Variants in ACOXL observed in about 807,000 individuals in gnomAD.
ACOXL encodes the protein acyl-coenzyme A oxidase-like protein.
Under a neutral mutation model 71.9 loss-of-function variants are expected in ACOXL, and 70 were observed. The ratio of observed to expected loss-of-function variants is 0.97; its 90% CI spans 0.80 to 1.19. ACOXL has a LOEUF of 1.19. Among genes scored for constraint, ACOXL ranks in the 50% most tolerant of loss-of-function variants. The pLI is 0.00. For missense variants in ACOXL, 703 were observed against 736.3 expected, an observed-to-expected ratio of 0.95 and a Z score of 0.52; for synonymous variants, 253 against 281.6, an observed-to-expected ratio of 0.90 and a Z score of 1.02.
chr2:111,015,282 C>G (rs1051037751), intron 14 of ACOXL, among the ~76,000 whole-genome samples: 1 of 152,088 alleles, frequency 6.6e-6, no homozygotes, highest in Admixed American at 6.5e-5. Context: ...TGTATAGATA[C>G]AACCCAGGAA....
At chr2:110,774,435 A>G (rs1313001470) in intron 2 of ACOXL, among the ~76,000 whole-genome samples, 1 of 152,224 alleles carries the variant, frequency 6.6e-6, no homozygotes, top group Non-Finnish European at 1.5e-5. Context: ...GAAAACCCCA[A>G]GATTCCACAA....
chr2:110,980,437 G>A (rs2062654448), intron 12 of ACOXL, among the ~76,000 whole-genome samples: 1 of 152,206 alleles, frequency 6.6e-6, no homozygotes, highest in African/African-American at 2.4e-5. Context: ...GAAGCGAAGG[G>A]AAGAAGAGAC....
intron 13 of ACOXL, among the ~76,000 whole-genome samples, chr2:110,992,444 G>T (rs1293783680): frequency 6.6e-6 from 1 of 152,202 alleles, no homozygotes; most frequent in Non-Finnish European, 1.5e-5. Context: ...TCCGAGAGCA[G>T]TAGGATAGTA....
At chr2:110,867,680 A>G (rs1441715325) in intron 10 of ACOXL, among the ~76,000 whole-genome samples, 1 of 152,096 alleles carries the variant, frequency 6.6e-6, no homozygotes, top group Non-Finnish European at 1.5e-5. Context: ...GTGTCAAAGG[A>G]GTCTTTGCGT....
chr2:110,892,118 A>T (rs1267713125), intron 10 of ACOXL, among the ~76,000 whole-genome samples: 3 of 152,200 alleles, frequency 2.0e-5, no homozygotes, highest in African/African-American at 7.2e-5. Context: ...TTTTGTAAAA[A>T]TAACAAGAGT....
intron 14 of ACOXL, among the ~76,000 whole-genome samples, chr2:111,005,157 C>T (rs1314074019): frequency 6.6e-6 from 1 of 152,214 alleles, no homozygotes; most frequent in Non-Finnish European, 1.5e-5. Flanking sequence ...GTGGCATTCT[C>T]CCACCACATT....
intron 11 of ACOXL, 51 bp from the exon 12 acceptor site, chr2:110,933,436 CAT>C: frequency 6.3e-7 from 1 of 1,580,964 alleles, no homozygotes; most frequent in South Asian, 1.2e-5. Flanking sequence ...CTCCTTCACA[CAT>C]GTGCTGACTG....
intron 10 of ACOXL, among the ~76,000 whole-genome samples, chr2:110,849,536 T>A (rs1373194524): frequency 6.6e-6 from 1 of 152,216 alleles, no homozygotes; most frequent in African/African-American, 2.4e-5. Flanking sequence ...GGCAGGTGGA[T>A]CACCTGAGGT....
At position 110,920,791 on chromosome 2, in the gene ACOXL, T is replaced by G. The variant is rs548348207; in HGVS notation, c.905+11886T>G. Among the ~76,000 whole-genome samples, 30 of 152,318 alleles carry G rather than the reference T, an allele frequency of 2.0e-4. No homozygotes were observed. The South Asian group carries it at 5.8e-3, about 29-fold the overall frequency. On this transcript the variant is annotated intron_variant, in intron 11 of 17. Coordinates refer to ENST00000439055, the MANE Select transcript of ACOXL (RefSeq NM_001142807.4). ...AATCAATTTGGGGATAGTCTGCCTA[T>G]TAATATTGAGTCTTTCAATACATGA...
At chr2:111,073,004 T>C (rs1170778827) in intron 16 of ACOXL, among the ~76,000 whole-genome samples, 6 of 152,226 alleles carry the variant, frequency 3.9e-5, no homozygotes, top group African/African-American at 1.4e-4. Flanking sequence ...ATCTCCCCAG[T>C]AGCTGATGCT....
At chr2:110,918,169 C>G (rs2059933406) in intron 11 of ACOXL, among the ~76,000 whole-genome samples, 1 of 152,192 alleles carries the variant, frequency 6.6e-6, no homozygotes, top group South Asian at 2.1e-4. Context: ...TACTACAAGG[C>G]TACAGTAACC....
intron 14 of ACOXL, among the ~76,000 whole-genome samples, chr2:111,011,004 GA>G (rs1289875602): frequency 3.3e-5 from 5 of 152,178 alleles, no homozygotes; most frequent in Admixed American, 1.3e-4. Context: ...GAAGAACACT[GA>G]AAATGCTAAA....
chr2:110,762,791 G>A (rs551347899), intron 1 of ACOXL, among the ~76,000 whole-genome samples: 2 of 152,128 alleles, frequency 1.3e-5, no homozygotes, highest in East Asian at 1.9e-4. Context: ...AAGTAGCTGG[G>A]ACTACACATG....
chr2:111,103,699 A>G (rs902427844), intron 17 of ACOXL, among the ~76,000 whole-genome samples: 4 of 152,222 alleles, frequency 2.6e-5, no homozygotes, highest in Non-Finnish European at 4.4e-5. Flanking sequence ...AAGGAAACAA[A>G]AAATAATCTC....
chr2:110,968,542 G>A, intron 12 of ACOXL: 1 of 1,123,774 alleles, frequency 8.9e-7, no homozygotes, highest in Non-Finnish European at 1.3e-6. Flanking sequence ...AGACATGACG[G>A]AGGAGATGTA....
chr2:110,770,511 G>A (rs1681760923), intron 2 of ACOXL, among the ~76,000 whole-genome samples: 1 of 152,218 alleles, frequency 6.6e-6, no homozygotes, highest in Non-Finnish European at 1.5e-5. Flanking sequence ...CGTGCAGATG[G>A]ATGTTCACTT....
intron 9 of ACOXL, among the ~76,000 whole-genome samples, chr2:110,831,688 G>A (rs1689844393): frequency 6.6e-6 from 1 of 152,180 alleles, no homozygotes; most frequent in Non-Finnish European, 1.5e-5. Flanking sequence ...AAGATATATA[G>A]CTACAGAAAT....
chr2:110,846,636 T>TACACACACACACACACACAC (rs1452445738), intron 10 of ACOXL, among the ~76,000 whole-genome samples: 539 of 44,864 alleles, frequency 0.012, 15 homozygotes, highest in Admixed American at 0.071. Flanking sequence ...CAAGTATGCA[T>TACACACACACACACACACAC]ACACGCACAC....
intron 1 of ACOXL, among the ~76,000 whole-genome samples, chr2:110,761,578 C>T (rs1488396037): frequency 6.6e-6 from 1 of 152,206 alleles, no homozygotes; most frequent in Non-Finnish European, 1.5e-5. Flanking sequence ...TACATCGTTG[C>T]AAGCTCCCAG....
Sources: gnomAD v4.1 joint callset for allele counts (sites outside exome capture counted in the v4.1 genomes callset) on GRCh38, gnomAD v4.1.1 for gene constraint, MANE v1.5 for transcripts, NCBI Gene and HGNC (gene_info 2026-07-23, HGNC 2026-07-21) for gene names.